DOCK5: variants seen among roughly 807,000 people sequenced by gnomAD.
DOCK5 encodes the protein dedicator of cytokinesis 5, also known as dedicator of cytokinesis protein 5.
Under a neutral mutation model 251.8 loss-of-function variants are expected in DOCK5, and 142 were observed. The ratio of observed to expected loss-of-function variants is 0.56; its 90% CI spans 0.49 to 0.65. DOCK5 has a LOEUF of 0.65. DOCK5 is among the 30% of genes least tolerant of loss of function. The pLI is 0.00. For missense variants in DOCK5, 2,111 were observed against 2,312.3 expected (o/e 0.91, Z 1.79); for synonymous variants, 842 against 835.5 (o/e 1.01, Z -0.13).
At chr8:25,299,157 C>G (rs1458272584) in intron 8 of DOCK5, 56 bp downstream of exon 8, 1 of 1,574,774 alleles carries the variant, frequency 6.4e-7, no homozygotes, top group Non-Finnish European at 8.6e-7. Context: ...CAGCCTTCCC[C>G]TGACCCCTAC....
At chr8:25,397,849 A>G (rs1167553050) in intron 45 of DOCK5, among the ~76,000 whole-genome samples, 2 of 152,334 alleles carry the variant, frequency 1.3e-5, no homozygotes, top group South Asian at 2.1e-4. Context: ...ACATACATAC[A>G]TACGTACATT....
chr8:25,241,011 C>T (rs1425055967), intron 1 of DOCK5, among the ~76,000 whole-genome samples: 2 of 152,220 alleles, frequency 1.3e-5, no homozygotes, highest in Non-Finnish European at 2.9e-5. Context: ...TCAGGTGTGT[C>T]TCTCAGCTCT....
At chr8:25,410,983 GCACGCA>G (rs5890238) in intron 51 of DOCK5, among the ~76,000 whole-genome samples, 31,087 of 113,518 alleles carry the variant, frequency 0.27, 4,584 homozygotes, top group East Asian at 0.45. Flanking sequence ...GCGCGCGCGC[GCACGCA>G]CGCACGCACG....
At chr8:25,388,888 C>G in intron 40 of DOCK5, 2 of 560,942 alleles carry the variant, frequency 3.6e-6, no homozygotes, top group South Asian at 4.5e-5. Flanking sequence ...TTTTTTATGC[C>G]TGTGATTTAA....
chr8:25,282,985 T>C (rs1804240736), intron 5 of DOCK5, among the ~76,000 whole-genome samples: 1 of 150,502 alleles, frequency 6.6e-6, no homozygotes. Context: ...ATCCACAGTC[T>C]CATATGAGGG....
At chr8:25,251,495 C>T (rs544808986) in intron 2 of DOCK5, among the ~76,000 whole-genome samples, 2 of 152,064 alleles carry the variant, frequency 1.3e-5, no homozygotes, top group Non-Finnish European at 2.9e-5. Context: ...TTTGAATGCA[C>T]TTTAATCAAA....
intron 13 of DOCK5, among the ~76,000 whole-genome samples, chr8:25,311,543 C>CAA (rs775794833): frequency 1.2e-4 from 12 of 98,466 alleles, no homozygotes; most frequent in African/African-American, 1.8e-4. Flanking sequence ...AACTCTGTCT[C>CAA]AAAAAAAAAA....
intron 2 of DOCK5, among the ~76,000 whole-genome samples, chr8:25,251,725 A>G (rs899144426): frequency 3.3e-5 from 5 of 152,188 alleles, no homozygotes; most frequent in African/African-American, 1.2e-4. Context: ...GCGGTAGCTC[A>G]TGCCTGCAAT....
At chr8:25,351,218 C>T (rs1013496999) in intron 26 of DOCK5, among the ~76,000 whole-genome samples, 68 of 152,124 alleles carry the variant, frequency 4.5e-4, no homozygotes, top group African/African-American at 1.5e-3. Flanking sequence ...CCACCACGCC[C>T]GGCTAATGTT....
intron 47 of DOCK5, among the ~76,000 whole-genome samples, chr8:25,401,325 C>T (rs1429728669): frequency 6.6e-6 from 1 of 152,172 alleles, no homozygotes; most frequent in Admixed American, 6.5e-5. Flanking sequence ...CATCATAACC[C>T]TGGAGTTTAT....
chr8:25,187,797 C>G lies in DOCK5; in HGVS notation c.43+2846C>G, dbSNP rs114813694. Among the ~76,000 whole-genome samples the G allele has an allele frequency of 1.1e-3, 161 of 152,254 alleles. 1 individual carries two copies. Among genetic ancestry groups the G allele is most frequent in the African/African-American group, 3.8e-3 (157 of 41,546 alleles). On this transcript the variant is annotated intron_variant, in intron 1 of 51. Transcript: ENST00000276440. ...ACCCTGCAGAGTCCCTCCTTTGGGA[C>G]TTTGCTCCCATTGTGCCTGTCCCTG...
chr8:25,274,097 G>C lies in DOCK5; in HGVS notation c.169-1289G>C, dbSNP rs1803982237. The stretch of plus-strand genomic sequence containing the variant: ...GTTCTTGCTGTTTCCTGTTTTATTG[G>C]CAACGGATTAAAAGAGAGAAAGCAG... On this transcript the variant is annotated intron_variant, in intron 3 of 51. Coordinates refer to ENST00000276440, the MANE Select transcript of DOCK5 (RefSeq NM_024940.8). 2.0e-5 allele frequency among the ~76,000 whole-genome samples: 3 copies of C among 152,154 alleles called. No homozygotes were observed. In the South Asian group the frequency reaches 6.2e-4, roughly 32 times the overall value.
intron 1 of DOCK5, among the ~76,000 whole-genome samples, chr8:25,235,799 CTTTTTTTTTTTTTT>C (rs924321586): frequency 1.6e-5 from 2 of 128,606 alleles, no homozygotes; most frequent in Non-Finnish European, 3.2e-5. Flanking sequence ...TTTTCTTTTC[CTTTTTTTTTTTTTT>C]TTTTGAAACG....
At chr8:25,281,483 T>G (rs938485323) in intron 5 of DOCK5, among the ~76,000 whole-genome samples, 1 of 150,952 alleles carries the variant, frequency 6.6e-6, no homozygotes, top group Non-Finnish European at 1.5e-5. Context: ...TTAGGACTCA[T>G]GTATTTTGGC....
chr8:25,378,010 C>G (rs1459626970), intron 38 of DOCK5, among the ~76,000 whole-genome samples: 1 of 152,050 alleles, frequency 6.6e-6, no homozygotes, highest in Non-Finnish European at 1.5e-5. Context: ...ATTGGCCTCC[C>G]AAAGTGCCAA....
At chr8:25,245,190 G>A (rs910738676) in intron 2 of DOCK5, among the ~76,000 whole-genome samples, 4 of 152,186 alleles carry the variant, frequency 2.6e-5, no homozygotes, top group African/African-American at 9.6e-5. Context: ...CCAAGTAGCT[G>A]GGACTACAGG....
intron 45 of DOCK5, among the ~76,000 whole-genome samples, chr8:25,399,445 A>G (rs1461289023): frequency 6.6e-6 from 1 of 152,254 alleles, no homozygotes; most frequent in Non-Finnish European, 1.5e-5. Flanking sequence ...TAATATAGGA[A>G]AAAAGCGTGA....
chr8:25,301,536 C>G (rs1804762568), intron 9 of DOCK5, among the ~76,000 whole-genome samples: 2 of 151,988 alleles, frequency 1.3e-5, no homozygotes, highest in Admixed American at 6.6e-5. Context: ...TGAGAGATAT[C>G]AGCTCATTCC....
intron 13 of DOCK5, among the ~76,000 whole-genome samples, chr8:25,313,943 G>C (rs1465905172): frequency 4.8e-5 from 2 of 42,008 alleles, no homozygotes; most frequent in African/African-American, 6.9e-5. Flanking sequence ...GTTCTGCCCA[G>C]AACAGCCCTC....
Sources: allele counts gnomAD v4.1 joint callset (sites outside exome capture counted in the v4.1 genomes callset), GRCh38; gene constraint gnomAD v4.1.1; transcripts MANE v1.5; gene names NCBI Gene and HGNC (gene_info 2026-07-23, HGNC 2026-07-21).